NEK11: variants seen among roughly 807,000 people sequenced by gnomAD.
NEK11 encodes the protein NIMA related kinase 11.
In NEK11, 72 loss-of-function variants were observed where a neutral mutation model predicts 80.7. The observed-to-expected ratio is 0.89, with a 90% CI of 0.74 to 1.08. The LOEUF (loss-of-function observed/expected upper bound fraction) is 1.08. Among genes scored for constraint, NEK11 ranks in the 50% least tolerant of loss-of-function variants. The probability of loss-of-function intolerance (pLI) is 0.00; values close to 1 mark genes in which losing one functional copy is unlikely to be tolerated. For missense variants in NEK11, 764 were observed against 763.6 expected, an observed-to-expected ratio of 1.00 and a Z score of -0.01; for synonymous variants, 251 against 260.7, an observed-to-expected ratio of 0.96 and a Z score of 0.36.
intron 5 of NEK11, among the ~76,000 whole-genome samples, chr3:131,111,547 A>G (rs963516342): frequency 6.6e-6 from 1 of 152,146 alleles, no homozygotes; most frequent in African/African-American, 2.4e-5. Flanking sequence ...ATGTACCCTT[A>G]TAACTATAAG....
At chr3:131,112,353 T>C (rs1468270160) in intron 5 of NEK11, among the ~76,000 whole-genome samples, 2 of 152,102 alleles carry the variant, frequency 1.3e-5, no homozygotes, top group African/African-American at 4.8e-5. Context: ...TGACTACATT[T>C]ATATGAAGTT....
chr3:131,140,660 T>G (rs1277357886), intron 7 of NEK11, among the ~76,000 whole-genome samples: 1 of 152,118 alleles, frequency 6.6e-6, no homozygotes, highest in Non-Finnish European at 1.5e-5. Flanking sequence ...AATCTGGCAG[T>G]GTTTGTTTTC....
At chr3:131,271,193 G>A (rs1043543733) in intron 16 of NEK11, among the ~76,000 whole-genome samples, 14 of 152,104 alleles carry the variant, frequency 9.2e-5, no homozygotes, top group African/African-American at 3.1e-4. Context: ...GAGAGAAATG[G>A]GAGCAATCAG....
intron 3 of NEK11, among the ~76,000 whole-genome samples, chr3:131,059,427 C>T (rs972677894): frequency 2.0e-5 from 3 of 152,074 alleles, no homozygotes; most frequent in Non-Finnish European, 2.9e-5. Flanking sequence ...ACTATTATGA[C>T]TTAATATTCA....
intron 7 of NEK11, among the ~76,000 whole-genome samples, chr3:131,144,628 A>G (rs1023630568): frequency 6.6e-6 from 1 of 152,180 alleles, no homozygotes; most frequent in African/African-American, 2.4e-5. Flanking sequence ...AAAGTTTGGG[A>G]AACACTGACA....
At chr3:131,315,918 G>A (rs1581827896) in intron 17 of NEK11, among the ~76,000 whole-genome samples, 2 of 151,960 alleles carry the variant, frequency 1.3e-5, no homozygotes, top group East Asian at 1.9e-4. Context: ...AGTATTCCAT[G>A]GTGTATATTT....
intron 17 of NEK11, among the ~76,000 whole-genome samples, chr3:131,328,066 T>C (rs2097002675): frequency 6.6e-6 from 1 of 152,032 alleles, no homozygotes; most frequent in Admixed American, 6.6e-5. Context: ...AGAAGACTGC[T>C]TGAGGCTAGG....
intron 17 of NEK11, among the ~76,000 whole-genome samples, chr3:131,341,701 T>C (rs188294714): frequency 1.6e-4 from 25 of 152,318 alleles, no homozygotes; most frequent in African/African-American, 5.8e-4. Flanking sequence ...CATTTAGAAT[T>C]CTTTTTTTCT....
intron 16 of NEK11, among the ~76,000 whole-genome samples, chr3:131,253,412 A>G (rs1484276684): frequency 6.6e-6 from 1 of 152,160 alleles, no homozygotes; most frequent in East Asian, 1.9e-4. Flanking sequence ...TGAAAAGGGA[A>G]CAGAAAAAAA....
Position 131,089,459 on chromosome 3 carries a change from G to A in NEK11, c.336+8871G>A, listed in dbSNP as rs557159309. 3.8e-4 allele frequency among the ~76,000 whole-genome samples: 58 copies of A among 152,250 alleles called. 1 individual carries two copies. Among genetic ancestry groups the A allele is most frequent in the East Asian group, 7.7e-4 (4 of 5,168 alleles). ...ATTATTTTATTTTGTTTTATTTTGC[G>A]ATGGAGTCTTGCTCTATTGCCCAGT... On this transcript the variant is annotated intron_variant, in intron 4 of 17. Transcript: ENST00000383366.
chr3:131,160,994 C>G (rs982907559), intron 10 of NEK11, among the ~76,000 whole-genome samples: 1 of 151,950 alleles, frequency 6.6e-6, no homozygotes, highest in Non-Finnish European at 1.5e-5. Flanking sequence ...ACCATCCTGG[C>G]CAACACGGTG....
intron 16 of NEK11, among the ~76,000 whole-genome samples, chr3:131,252,783 C>T (rs950178353): frequency 6.6e-6 from 1 of 152,112 alleles, no homozygotes; most frequent in African/African-American, 2.4e-5. Flanking sequence ...TGCTCTGGGT[C>T]CAGACTGCAC....
intron 5 of NEK11, among the ~76,000 whole-genome samples, chr3:131,132,294 A>G (rs925505184): frequency 1.3e-5 from 2 of 152,018 alleles, no homozygotes; most frequent in African/African-American, 4.8e-5. Flanking sequence ...CATAATTTAC[A>G]TTACTGACTT....
At position 131,163,001 on chromosome 3, in the gene NEK11, A is replaced by G. The variant is rs74480838; in HGVS notation, c.1082+474A>G. Among the ~76,000 whole-genome samples, 749 of 152,350 alleles carry G rather than the reference A, an allele frequency of 4.9e-3. 10 individuals carry two copies. Among genetic ancestry groups the G allele is most frequent in the African/African-American group, 0.017 (713 of 41,588 alleles). On this transcript the variant is annotated intron_variant, in intron 11 of 17. Transcript: ENST00000383366. ...AGAGCTCTGTTCTGTCAAGTGAAGC[A>G]TTTAGAAAAGTCTATGCTCAGGGCG...
intron 3 of NEK11, among the ~76,000 whole-genome samples, chr3:131,034,327 T>C (rs1410124160): frequency 1.3e-5 from 2 of 152,230 alleles, no homozygotes; most frequent in Non-Finnish European, 2.9e-5. Context: ...TAAGATATAG[T>C]GATCTTACTA....
intron 5 of NEK11, among the ~76,000 whole-genome samples, chr3:131,132,432 G>A (rs904722779): frequency 6.6e-6 from 1 of 151,902 alleles, no homozygotes; most frequent in Non-Finnish European, 1.5e-5. Flanking sequence ...TTGAGGATAT[G>A]GTTACTGGAT....
chr3:131,231,029 T>C (rs1057366591), intron 15 of NEK11, among the ~76,000 whole-genome samples: 3 of 152,086 alleles, frequency 2.0e-5, no homozygotes, highest in African/African-American at 7.2e-5. Flanking sequence ...TGTGAGGCCT[T>C]TCCAGCCATG....
chr3:131,172,685 A>G (rs1034547167), intron 14 of NEK11, among the ~76,000 whole-genome samples: 1 of 152,206 alleles, frequency 6.6e-6, no homozygotes, highest in South Asian at 2.1e-4. Context: ...TGTCAGAGAC[A>G]TTAGAACCAG....
chr3:131,187,452 A>G (rs1447191457), intron 14 of NEK11, among the ~76,000 whole-genome samples: 1 of 152,176 alleles, frequency 6.6e-6, no homozygotes, highest in Non-Finnish European at 1.5e-5. Flanking sequence ...AAAACTCACA[A>G]AAGATTCTAT....
Sources: gnomAD v4.1 joint callset for allele counts (sites outside exome capture counted in the v4.1 genomes callset) on GRCh38, gnomAD v4.1.1 for gene constraint, MANE v1.5 for transcripts, NCBI Gene and HGNC (gene_info 2026-07-23, HGNC 2026-07-21) for gene names.